Variants in ZNF729 observed in about 807,000 individuals in gnomAD.
The protein encoded by ZNF729 is zinc finger protein 729.
A neutral mutation model predicts 12.2 loss-of-function variants in ZNF729; 15 were observed. The ratio of observed to expected loss-of-function variants is 1.23; its 90% CI spans 0.82 to 1.89. The LOEUF is 1.89. Ranked by LOEUF, ZNF729 falls within the 40% of genes most tolerant of loss-of-function variation. The pLI is 0.00. For synonymous variants in ZNF729, 492 were observed against 476.3 expected (o/e 1.03, Z -0.43); for missense variants, 1,540 against 1,456.7 (o/e 1.06, Z -0.93).
intron 2 of ZNF729, 117 bp downstream of exon 2, chr19:22,304,001 T>G (rs1968348371): frequency 1.8e-6 from 2 of 1,115,614 alleles, no homozygotes; most frequent in Admixed American, 2.9e-5. Flanking sequence ...CATCCCTGTT[T>G]TCTGGAAACA....
At position 22,317,132 on chromosome 19, in the gene ZNF729, G is replaced by A. The variant is rs1340923746; in HGVS notation, c.3715G>A (p.Gly1239Arg). The A allele has an allele frequency of 6.2e-7, 1 of 1,601,464 alleles. No individual in the cohort carries two copies. The highest frequency in any genetic ancestry group is 2.2e-5 in the East Asian group (1 of 44,504). ...CTTACTAGACAAAACAATTCATACTGGAGAGAAACCCTACAAATGTGAAGA... is the reference window on the plus strand; with the variant it reads ...CTTACTAGACAAAACAATTCATACTAGAGAGAAACCCTACAAATGTGAAGA... ...HTLLDKTIHT[G>R]EKPYKCEECA... The change falls in exon 4 of 4, where the codon GGA becomes AGA. Residue 1239 changes from glycine (G) to arginine (R), a missense_variant. Coordinates refer to ENST00000601693, the MANE Select transcript of ZNF729 (RefSeq NM_001242680.2).
At chr19:22,298,005 C>CAAAAAAA (rs34435303) in intron 1 of ZNF729, among the ~76,000 whole-genome samples, 119 of 68,000 alleles carry the variant, frequency 1.8e-3, no homozygotes, top group Non-Finnish European at 2.3e-3. Context: ...AACTCCATCT[C>CAAAAAAA]AAAAAAAAAA....
chr19:22,302,745 T>A (rs1968329272), intron 1 of ZNF729, among the ~76,000 whole-genome samples: 1 of 152,306 alleles, frequency 6.6e-6, no homozygotes. Flanking sequence ...GAGGCCTTAT[T>A]TAGGTCAGGT....
At position 22,314,655 on chromosome 19, in the gene ZNF729, T is replaced by C; in HGVS notation, c.1238T>C (p.Phe413Ser). ...AAATGTGAAGAATGTGGCAAAGCTT[T>C]TAGCCAGTTCTCAACCCTTAAAAAA... ...PYKCEECGKA[F>S]SQFSTLKKHK... The change falls in exon 4 of 4, where the codon TTT becomes TCT. Residue 413 changes from phenylalanine to serine, a missense_variant. Phe to Ser is a radical substitution (Grantham distance 155, BLOSUM62 -2). Coordinates refer to ENST00000601693, the MANE Select transcript of ZNF729 (RefSeq NM_001242680.2). The C allele has an allele frequency of 6.2e-7, 1 of 1,612,696 alleles. No individual in the cohort carries two copies. The highest frequency in any genetic ancestry group is 2.2e-5 in the East Asian group (1 of 44,830).
At chr19:22,293,262 G>T (rs538192553) in intron 1 of ZNF729, among the ~76,000 whole-genome samples, 2 of 151,920 alleles carry the variant, frequency 1.3e-5, no homozygotes, top group African/African-American at 2.4e-5. Flanking sequence ...CTCAGCAAAC[G>T]GCAATCTTCA....
At chr19:22,295,525 GGACTACAGGC>G (rs1224901952) in intron 1 of ZNF729, among the ~76,000 whole-genome samples, 1 of 151,894 alleles carries the variant, frequency 6.6e-6, no homozygotes, top group East Asian at 1.9e-4. Context: ...CGAGTAGCTG[GGACTACAGGC>G]GACTACAGGC....
chr19:22,291,828 G>A (rs914306027), intron 1 of ZNF729, among the ~76,000 whole-genome samples: 2 of 152,220 alleles, frequency 1.3e-5, no homozygotes, highest in African/African-American at 4.8e-5. Flanking sequence ...CAGCCTTCTG[G>A]TTTCAAGCAA....
In ZNF729 at chr19:22,306,363, C is replaced by G. The variant is rs188358832; in HGVS notation, c.253+1580C>G. 3.0e-3 allele frequency among the ~76,000 whole-genome samples: 447 copies of G among 150,554 alleles called. 4 individuals carry two copies. Among genetic ancestry groups the G allele is most frequent in the African/African-American group, 0.011 (435 of 40,990 alleles). On this transcript the variant is annotated intron_variant, in intron 3 of 3. Coordinates refer to ENST00000601693, the MANE Select transcript of ZNF729 (RefSeq NM_001242680.2). Reference sequence around the variant, plus strand: ...CTGAGGCAGGAGAATCAGTTGAACCCGGAGGTGCAGGTTGTGGTGAGCTGA... The same window carrying G: ...CTGAGGCAGGAGAATCAGTTGAACCGGGAGGTGCAGGTTGTGGTGAGCTGA...
At chr19:22,304,468 T>G (rs1968354519) in intron 2 of ZNF729, among the ~76,000 whole-genome samples, 1 of 152,180 alleles carries the variant, frequency 6.6e-6, no homozygotes, top group Non-Finnish European at 1.5e-5. Flanking sequence ...TGCCACACCT[T>G]AAAATCTCAT....
intron 1 of ZNF729, among the ~76,000 whole-genome samples, chr19:22,295,636 G>A (rs1300232047): frequency 2.0e-5 from 3 of 152,004 alleles, no homozygotes; most frequent in Non-Finnish European, 4.4e-5. Context: ...TCCTGACCTC[G>A]TGATCCGCCC....
At chr19:22,313,373 C>T (rs1008527663) in intron 3 of ZNF729, among the ~76,000 whole-genome samples, 2 of 152,166 alleles carry the variant, frequency 1.3e-5, no homozygotes, top group African/African-American at 4.8e-5. Context: ...TCTAAAGAGC[C>T]TATGCTATTT....
chr19:22,299,593 A>G (rs554605412), intron 1 of ZNF729: 25 of 152,634 alleles, frequency 1.6e-4, no homozygotes, highest in African/African-American at 5.1e-4. Flanking sequence ...TCTTGCTCAG[A>G]CTGAGAGCTG....
chr19:22,302,220 C>CA (rs1168361663), intron 1 of ZNF729, among the ~76,000 whole-genome samples: 1 of 152,308 alleles, frequency 6.6e-6, no homozygotes, highest in Non-Finnish European at 1.5e-5. Context: ...TCCTGAGACT[C>CA]AAACAGGTAA....
chr19:22,308,248 TC>T, intron 3 of ZNF729, among the ~76,000 whole-genome samples: 1 of 152,340 alleles, frequency 6.6e-6, no homozygotes, highest in Admixed American at 6.5e-5. Flanking sequence ...TCTCACAGTT[TC>T]TTTATCCACT....
intron 1 of ZNF729, among the ~76,000 whole-genome samples, chr19:22,302,523 C>T (rs1471030637): frequency 4.7e-5 from 2 of 42,872 alleles, no homozygotes; most frequent in East Asian, 7.1e-4. Context: ...CCCTAGGAAC[C>T]ATAAAAGACT....
intron 3 of ZNF729, among the ~76,000 whole-genome samples, chr19:22,312,415 T>A (rs982762251): frequency 6.7e-6 from 1 of 149,262 alleles, no homozygotes; most frequent in African/African-American, 2.5e-5. Context: ...GTCAAACATG[T>A]TCTTAGAATG....
intron 1 of ZNF729, among the ~76,000 whole-genome samples, chr19:22,300,210 A>G (rs1017242762): frequency 2.2e-4 from 33 of 152,196 alleles, no homozygotes; most frequent in African/African-American, 8.0e-4. Context: ...ATTAGCCTGC[A>G]TGGCTAGCCT....
Position 22,314,729 on chromosome 19 carries a change from G to A in ZNF729, c.1312G>A (p.Gly438Ser), listed in dbSNP as rs757450330. The A allele has an allele frequency of 6.3e-5, 102 of 1,613,454 alleles. No individual in the cohort carries two copies. The South Asian group carries it at 1.1e-3, about 17-fold the overall frequency. Residue 438 changes from glycine to serine, a missense_variant, in exon 4 of 4, where the codon GGC becomes AGC. Transcript: ENST00000601693. ...GAAACCCTACAAATGTGAAGAATGTGGCAAAGCTTTTAACAGTTCCTCAAC... is the reference window on the plus strand; with the variant it reads ...GAAACCCTACAAATGTGAAGAATGTAGCAAAGCTTTTAACAGTTCCTCAAC... Reference protein sequence around the residue: ...GKKPYKCEECGKAFNSSSTLM... With the variant: ...GKKPYKCEECSKAFNSSSTLM...
At chr19:22,296,493 T>G (rs1968231918) in intron 1 of ZNF729, among the ~76,000 whole-genome samples, 1 of 55,004 alleles carries the variant, frequency 1.8e-5, no homozygotes, top group African/African-American at 5.5e-5. Context: ...ATTAACTGTT[T>G]ATTTGAATCT....
Sources: gnomAD v4.1 joint callset for allele counts (sites outside exome capture counted in the v4.1 genomes callset) on GRCh38, gnomAD v4.1.1 for gene constraint, MANE v1.5 for transcripts, NCBI Gene and HGNC (gene_info 2026-07-23, HGNC 2026-07-21) for gene names.